The following RALYL variants were observed in gnomAD, a reference collection of about 807,000 sequenced individuals.
RALYL encodes the protein RALY RNA binding protein like.
In RALYL, 29 loss-of-function variants were observed where a neutral mutation model predicts 35.1. The observed-to-expected ratio is 0.83, with a 90% CI of 0.61 to 1.13. RALYL has a LOEUF of 1.13. Ranked by LOEUF, RALYL falls within the 50% of genes most tolerant of loss-of-function variation. The pLI, the probability that RALYL is intolerant of heterozygous loss-of-function variation, is 0.00. For synonymous variants in RALYL, 120 were observed against 127.6 expected (o/e 0.94, Z 0.40); for missense variants, 359 against 360.4 (o/e 1.00, Z 0.03).
At chr8:84,843,222 T>C (rs1833829617) in intron 4 of RALYL, among the ~76,000 whole-genome samples, 1 of 152,146 alleles carries the variant, frequency 6.6e-6, no homozygotes, top group African/African-American at 2.4e-5. Context: ...AAAACCCCAC[T>C]GTCTCAGCCC....
intron 2 of RALYL, among the ~76,000 whole-genome samples, chr8:84,711,569 A>G (rs1401679659): frequency 6.6e-6 from 1 of 152,130 alleles, no homozygotes; most frequent in African/African-American, 2.4e-5. Flanking sequence ...AAATCTTCCT[A>G]TGAGAAAAAG....
In RALYL at chr8:84,915,880, A is replaced by G. The variant is rs146127697; in HGVS notation, c.859-5014A>G. On this transcript the variant is annotated intron_variant, in intron 8 of 8. Transcript: ENST00000521268. ...GTTAAATGAAATGTACTCCAGAAAC[A>G]CAAATGATCTGTGTGTCTAGATGTT... is the stretch of plus-strand genomic sequence containing the variant. 3.9e-3 allele frequency among the ~76,000 whole-genome samples: 599 copies of G among 152,276 alleles called. 1 individual carries two copies. The highest frequency in any genetic ancestry group is 6.0e-3 in the Non-Finnish European group (405 of 68,004).
chr8:84,864,803 A>T (rs575333159), intron 6 of RALYL: 92 of 618,218 alleles, frequency 1.5e-4, no homozygotes, highest in Non-Finnish European at 2.4e-4. Context: ...CCTGCAGCAG[A>T]GCTTCTGTGT....
chr8:84,642,371 G>A (rs1826552587), intron 2 of RALYL, among the ~76,000 whole-genome samples: 2 of 147,518 alleles, frequency 1.4e-5, no homozygotes. Flanking sequence ...TTTTAAACTT[G>A]AGAAAAAAAA....
chr8:84,249,098 A>G (rs1829692808), intron 1 of RALYL, among the ~76,000 whole-genome samples: 1 of 152,126 alleles, frequency 6.6e-6, no homozygotes, highest in Non-Finnish European at 1.5e-5. Context: ...TGTTGGCAAT[A>G]TTGAGGCAGC....
intron 2 of RALYL, among the ~76,000 whole-genome samples, chr8:84,692,576 T>C (rs957980924): frequency 6.6e-6 from 1 of 152,088 alleles, no homozygotes; most frequent in African/African-American, 2.4e-5. Flanking sequence ...TAGTGAAATA[T>C]CTATTTCTCA....
At chr8:84,202,854 A>C (rs957226766) in intron 1 of RALYL, among the ~76,000 whole-genome samples, 3 of 152,170 alleles carry the variant, frequency 2.0e-5, no homozygotes, top group Non-Finnish European at 4.4e-5. Context: ...AAATACTATA[A>C]TGATTTCTTA....
At chr8:84,276,939 C>A (rs887576235) in intron 1 of RALYL, among the ~76,000 whole-genome samples, 2 of 152,124 alleles carry the variant, frequency 1.3e-5, no homozygotes, top group Non-Finnish European at 2.9e-5. Flanking sequence ...CAGGGATAAT[C>A]AAAAAATAAA....
rs541021147 is a variant in RALYL, at chr8:84,869,406, A to G, written c.572-3878A>G. ...TGTATAATGGCTGGGGAAAATAAAT[A>G]ACAAATTAATGTGATTTACTGTCAA... On this transcript the variant is annotated intron_variant, in intron 6 of 8. Transcript: ENST00000521268. 2.0e-5 allele frequency among the ~76,000 whole-genome samples: 3 copies of G among 149,748 alleles called. No homozygotes were observed. The South Asian group carries it at 6.4e-4, about 32-fold the overall frequency.
At chr8:84,305,771 G>A (rs757487682) in intron 1 of RALYL, among the ~76,000 whole-genome samples, 23 of 152,108 alleles carry the variant, frequency 1.5e-4, no homozygotes, top group Non-Finnish European at 1.5e-5. Context: ...CATAGTCTCC[G>A]CTACTGCAAT....
At chr8:84,251,816 T>C (rs1041386020) in intron 1 of RALYL, among the ~76,000 whole-genome samples, 6 of 152,086 alleles carry the variant, frequency 3.9e-5, no homozygotes, top group African/African-American at 1.4e-4. Context: ...ATTTGTTTTT[T>C]TCTTTTAATA....
At chr8:84,761,279 A>G (rs1161867829) in intron 2 of RALYL, among the ~76,000 whole-genome samples, 34 of 146,636 alleles carry the variant, frequency 2.3e-4, no homozygotes, top group Non-Finnish European at 2.7e-4. Flanking sequence ...ATGAAAAATT[A>G]GAAATAATAC....
chr8:84,842,375 G>T (rs1030204830), intron 4 of RALYL, among the ~76,000 whole-genome samples: 1 of 152,098 alleles, frequency 6.6e-6, no homozygotes, highest in Non-Finnish European at 1.5e-5. Flanking sequence ...TAGAAGAAAC[G>T]GATAAATTCC....
chr8:84,514,090 T>TAAA (rs57881021), intron 1 of RALYL, among the ~76,000 whole-genome samples: 1,216 of 41,158 alleles, frequency 0.03, 78 homozygotes, highest in East Asian at 0.1. Flanking sequence ...AGATTTCATC[T>TAAA]AAAAAAAAAA....
intron 2 of RALYL, among the ~76,000 whole-genome samples, chr8:84,551,182 A>G (rs1240396850): frequency 6.6e-6 from 1 of 152,068 alleles, no homozygotes; most frequent in Non-Finnish European, 1.5e-5. Context: ...TCTACTAGAT[A>G]AAGGCTAGAG....
chr8:84,838,600 G>C (rs970703313), intron 4 of RALYL, among the ~76,000 whole-genome samples: 1 of 152,192 alleles, frequency 6.6e-6, no homozygotes, highest in Non-Finnish European at 1.5e-5. Flanking sequence ...ATAAAATTGA[G>C]TTTATGATGG....
chr8:84,795,042 G>A (rs559626853), intron 3 of RALYL, among the ~76,000 whole-genome samples: 21 of 152,306 alleles, frequency 1.4e-4, no homozygotes, highest in African/African-American at 4.6e-4. Flanking sequence ...TTACCAAGGG[G>A]CTTGATGATA....
chr8:84,820,284 A>G (rs1409644933), intron 4 of RALYL, among the ~76,000 whole-genome samples: 1 of 152,248 alleles, frequency 6.6e-6, no homozygotes, highest in Non-Finnish European at 1.5e-5. Flanking sequence ...ATTTATGACC[A>G]CTTCATAACA....
chr8:84,412,316 T>C (rs2044187432), intron 1 of RALYL, among the ~76,000 whole-genome samples: 1 of 151,930 alleles, frequency 6.6e-6, no homozygotes, highest in African/African-American at 2.4e-5. Context: ...TAGGTGCTCA[T>C]TACAATTTTA....
Sources: gnomAD v4.1 joint callset for allele counts (sites outside exome capture counted in the v4.1 genomes callset) on GRCh38, gnomAD v4.1.1 for gene constraint, MANE v1.5 for transcripts, NCBI Gene and HGNC (gene_info 2026-07-23, HGNC 2026-07-21) for gene names.